The following CACNA2D3 variants were observed in gnomAD, a reference collection of about 807,000 sequenced individuals.
CACNA2D3 encodes the protein calcium voltage-gated channel auxiliary subunit alpha2delta 3.
Under a neutral mutation model 160.6 loss-of-function variants are expected in CACNA2D3, and 60 were observed. The ratio of observed to expected loss-of-function variants is 0.37; its 90% confidence interval spans 0.30 to 0.46. The LOEUF is 0.46. CACNA2D3 is among the 20% of genes least tolerant of loss of function. CACNA2D3 has a pLI of 1.00. For synonymous variants in CACNA2D3, 558 were observed against 492.9 expected, an observed-to-expected ratio of 1.13 and a Z score of -1.75; for missense variants, 1,205 against 1,365.0, an observed-to-expected ratio of 0.88 and a Z score of 1.85.
intron 35 of CACNA2D3, among the ~76,000 whole-genome samples, chr3:55,055,857 AG>A (rs1704347761): frequency 6.6e-6 from 1 of 152,122 alleles, no homozygotes; most frequent in Non-Finnish European, 1.5e-5. Context: ...GTTAGTGTAC[AG>A]AAATGCTAAA....
chr3:54,984,143 A>G (rs1285466702), intron 29 of CACNA2D3, among the ~76,000 whole-genome samples: 1 of 152,098 alleles, frequency 6.6e-6, no homozygotes, highest in African/African-American at 2.4e-5. Flanking sequence ...TGGTCCCCTG[A>G]TGGTCCTCTG....
Position 54,284,245 on chromosome 3 carries a change from C to T in CACNA2D3, c.205-36197C>T, listed in dbSNP as rs142012155. Reference sequence around the variant, plus strand: ...AACAAACCTGCAAATTGTGCACATGCACCCTAAAACTTAAAGTATAATAAT... The same window carrying T: ...AACAAACCTGCAAATTGTGCACATGTACCCTAAAACTTAAAGTATAATAAT... On this transcript the variant is annotated intron_variant, in intron 2 of 37. Coordinates refer to ENST00000474759, the MANE Select transcript of CACNA2D3 (RefSeq NM_018398.3). Among the ~76,000 whole-genome samples the T allele has an allele frequency of 3.5e-3, 524 of 151,618 alleles. 4 individuals are homozygous for T. Among genetic ancestry groups the T allele is most frequent in the Middle Eastern group, 0.014 (4 of 294 alleles).
At chr3:54,393,021 A>C (rs1462293667) in intron 4 of CACNA2D3, among the ~76,000 whole-genome samples, 1 of 152,224 alleles carries the variant, frequency 6.6e-6, no homozygotes, top group African/African-American at 2.4e-5. Context: ...TTTGATGAAA[A>C]TAACTAAACA....
intron 14 of CACNA2D3, among the ~76,000 whole-genome samples, chr3:54,830,757 G>A (rs922792257): frequency 7.2e-5 from 11 of 152,110 alleles, no homozygotes; most frequent in African/African-American, 2.7e-4. Context: ...GATTACAGGC[G>A]TGAGTCACCG....
chr3:54,201,003 C>A (rs979330028), intron 2 of CACNA2D3, among the ~76,000 whole-genome samples: 9 of 152,164 alleles, frequency 5.9e-5, no homozygotes, highest in Non-Finnish European at 1.5e-5. Context: ...AATGTGATAG[C>A]CACTGAGCCA....
intron 17 of CACNA2D3, among the ~76,000 whole-genome samples, chr3:54,854,688 C>T (rs1158356937): frequency 3.9e-5 from 6 of 152,014 alleles, no homozygotes; most frequent in Admixed American, 2.0e-4. Context: ...CTCATTGCCT[C>T]GTGCGTGGAG....
rs74964332 is a variant in CACNA2D3, at chr3:54,347,689, T to C, written c.321+27131T>C. Among the ~76,000 whole-genome samples the C allele has an allele frequency of 6.6e-3, 1,004 of 152,062 alleles. 11 individuals are homozygous for C. The highest frequency in any genetic ancestry group is 0.023 in the African/African-American group (960 of 41,508). On this transcript the variant is annotated intron_variant, in intron 3 of 37. Coordinates refer to ENST00000474759, the MANE Select transcript of CACNA2D3 (RefSeq NM_018398.3). The stretch of plus-strand genomic sequence containing the variant: ...AAAACAAAAAACACCATGGGCTCCT[T>C]CTTCATAGAAGGCTCCTTTAGGGTC...
At chr3:54,822,790 C>CTTTTCTTTCTTTCTTT (rs1491160047) in intron 14 of CACNA2D3, among the ~76,000 whole-genome samples, 3 of 71,960 alleles carry the variant, frequency 4.2e-5, no homozygotes, top group Admixed American at 3.1e-4. Flanking sequence ...TTCTTTCTTT[C>CTTTTCTTTCTTTCTTT]CTTTCTTTCT....
chr3:54,746,955 G>A (rs890341610), intron 11 of CACNA2D3, among the ~76,000 whole-genome samples: 3 of 152,120 alleles, frequency 2.0e-5, no homozygotes, highest in East Asian at 1.9e-4. Flanking sequence ...TGCCTTCTTC[G>A]GTTGACACAA....
intron 4 of CACNA2D3, among the ~76,000 whole-genome samples, chr3:54,498,042 AG>A (rs1701229322): frequency 6.7e-6 from 1 of 150,018 alleles, no homozygotes; most frequent in South Asian, 2.1e-4. Flanking sequence ...ATTGGCATAT[AG>A]TTTTTTTTTT....
chr3:54,913,226 G>T (rs1700594959), intron 27 of CACNA2D3, among the ~76,000 whole-genome samples: 1 of 152,252 alleles, frequency 6.6e-6, no homozygotes, highest in Admixed American at 6.5e-5. Flanking sequence ...GGGATCATAG[G>T]CATGTGCCAC....
intron 35 of CACNA2D3, among the ~76,000 whole-genome samples, chr3:55,018,761 T>C (rs1267494564): frequency 6.6e-6 from 1 of 152,096 alleles, no homozygotes; most frequent in African/African-American, 2.4e-5. Context: ...TTGAGCCTCT[T>C]TTAATGGCTT....
rs552105227 is a variant in CACNA2D3, at chr3:54,150,598, TG to T, written c.204+27006del. 3.7e-4 allele frequency among the ~76,000 whole-genome samples: 56 copies of T among 152,368 alleles called. No individual in the cohort carries two copies. The East Asian group carries it at 9.8e-3, about 27-fold the overall frequency. On this transcript the variant is annotated intron_variant, in intron 2 of 37. Coordinates refer to ENST00000474759, the MANE Select transcript of CACNA2D3 (RefSeq NM_018398.3). ...TGGGACATGGTAAATCCTCAATAAA[TG>T]GTAATGTCATTATTATTTCTCTTAT... is the stretch of plus-strand genomic sequence containing the variant.
chr3:54,203,356 A>G (rs1202790528), intron 2 of CACNA2D3, among the ~76,000 whole-genome samples: 1 of 152,164 alleles, frequency 6.6e-6, no homozygotes, highest in East Asian at 1.9e-4. Context: ...CTCTGACTCC[A>G]TGGCGGTGTC....
At chr3:54,224,392 A>G (rs1182685927) in intron 2 of CACNA2D3, among the ~76,000 whole-genome samples, 1 of 152,206 alleles carries the variant, frequency 6.6e-6, no homozygotes, top group African/African-American at 2.4e-5. Context: ...AGTATTATGT[A>G]CTGTACGTAA....
intron 27 of CACNA2D3, among the ~76,000 whole-genome samples, chr3:54,961,581 A>G (rs781635017): frequency 1.3e-5 from 2 of 152,180 alleles, no homozygotes; most frequent in African/African-American, 4.8e-5. Flanking sequence ...TGGACACCAC[A>G]ATGAAATGGT....
At chr3:54,771,417 A>G (rs1294087968) in intron 13 of CACNA2D3, among the ~76,000 whole-genome samples, 4 of 152,186 alleles carry the variant, frequency 2.6e-5, no homozygotes, top group African/African-American at 9.7e-5. Flanking sequence ...GGCTACAAGG[A>G]AGCGTTGGCT....
chr3:54,379,055 T>C (rs1699057545), intron 3 of CACNA2D3, among the ~76,000 whole-genome samples: 2 of 152,210 alleles, frequency 1.3e-5, no homozygotes, highest in East Asian at 1.9e-4. Flanking sequence ...AAAAGGCCAG[T>C]GTAGCCTTAT....
chr3:54,968,750 G>C (rs1702208904), intron 28 of CACNA2D3, among the ~76,000 whole-genome samples: 1 of 152,224 alleles, frequency 6.6e-6, no homozygotes, highest in African/African-American at 2.4e-5. Flanking sequence ...GTGGGATCAA[G>C]ATAGTGACCT....
Sources: gnomAD v4.1 joint callset for allele counts (sites outside exome capture counted in the v4.1 genomes callset) on GRCh38, gnomAD v4.1.1 for gene constraint, MANE v1.5 for transcripts, NCBI Gene and HGNC (gene_info 2026-07-23, HGNC 2026-07-21) for gene names.